Variants in PTPRT observed in about 807,000 individuals in gnomAD.
PTPRT encodes the protein receptor-type tyrosine-protein phosphatase T.
A neutral mutation model predicts 176.8 loss-of-function variants in PTPRT; 56 were observed. The observed-to-expected ratio is 0.32, with a 90% CI of 0.26 to 0.40. The LOEUF (loss-of-function observed/expected upper bound fraction) is 0.40, where lower values mean the gene tolerates loss of function less well. Ranked by LOEUF, PTPRT falls within the 10% of genes least tolerant of loss-of-function variation. PTPRT has a pLI of 1.00. For synonymous variants in PTPRT, 783 were observed against 739.0 expected, an observed-to-expected ratio of 1.06 and a Z score of -0.96; for missense variants, 1,540 against 1,908.2, an observed-to-expected ratio of 0.81 and a Z score of 3.60.
At chr20:42,961,277 G>T (rs1981968310) in intron 1 of PTPRT, among the ~76,000 whole-genome samples, 1 of 152,112 alleles carries the variant, frequency 6.6e-6, no homozygotes, top group Non-Finnish European at 1.5e-5. Context: ...AAAGAAGGTG[G>T]TGATAAAGAT....
At chr20:42,643,581 C>A (rs552849255) in intron 7 of PTPRT, among the ~76,000 whole-genome samples, 1 of 152,158 alleles carries the variant, frequency 6.6e-6, no homozygotes, top group African/African-American at 2.4e-5. Context: ...CCTCCTAAAG[C>A]ACTGGGATCA....
chr20:42,285,025 G>T (rs2057206369), intron 12 of PTPRT, among the ~76,000 whole-genome samples: 1 of 151,268 alleles, frequency 6.6e-6, no homozygotes, highest in Non-Finnish European at 1.5e-5. Flanking sequence ...CTCTAAATGT[G>T]ATGTACAAAA....
intron 1 of PTPRT, among the ~76,000 whole-genome samples, chr20:42,917,081 T>A (rs1367932938): frequency 6.6e-6 from 1 of 152,212 alleles, no homozygotes; most frequent in Non-Finnish European, 1.5e-5. Context: ...CTTCTAGGGT[T>A]TTTATGGTTT....
At chr20:42,143,596 A>C (rs1456145058) in intron 17 of PTPRT, among the ~76,000 whole-genome samples, 1 of 151,868 alleles carries the variant, frequency 6.6e-6, no homozygotes, top group Admixed American at 6.6e-5. Context: ...ACTCCAGGCA[A>C]CACATGATGG....
At chr20:42,429,858 A>T (rs933117365) in intron 9 of PTPRT, among the ~76,000 whole-genome samples, 1 of 152,200 alleles carries the variant, frequency 6.6e-6, no homozygotes, top group Non-Finnish European at 1.5e-5. Flanking sequence ...AAGGAGGAAG[A>T]GGGAAAAGAT....
chr20:42,547,033 A>T (rs573813522), intron 7 of PTPRT, among the ~76,000 whole-genome samples: 1 of 152,294 alleles, frequency 6.6e-6, no homozygotes, highest in East Asian at 1.9e-4. Flanking sequence ...TGCCTTATAG[A>T]CTTGCTTGAT....
chr20:42,802,997 A>G (rs1372540472), intron 2 of PTPRT, among the ~76,000 whole-genome samples: 1 of 152,240 alleles, frequency 6.6e-6, no homozygotes. Context: ...GTTGAGAATT[A>G]GCTACCATGA....
chr20:42,515,222 T>G (rs2072038342), intron 7 of PTPRT, among the ~76,000 whole-genome samples: 1 of 152,196 alleles, frequency 6.6e-6, no homozygotes, highest in African/African-American at 2.4e-5. Flanking sequence ...TGGTGGCTCA[T>G]GCCTGTAATC....
intron 8 of PTPRT, among the ~76,000 whole-genome samples, chr20:42,462,078 T>C (rs184376876): frequency 7.2e-5 from 11 of 151,864 alleles, no homozygotes; most frequent in Middle Eastern, 3.4e-3. Flanking sequence ...AAATGGTTCA[T>C]CCATAGAAAC....
intron 7 of PTPRT, among the ~76,000 whole-genome samples, chr20:42,512,413 T>C (rs1432103599): frequency 6.6e-6 from 1 of 152,196 alleles, no homozygotes; most frequent in Non-Finnish European, 1.5e-5. Context: ...GAGTGTCTCC[T>C]TTTCTCAGTA....
At chr20:42,579,617 G>A (rs2073334081) in intron 7 of PTPRT, among the ~76,000 whole-genome samples, 1 of 152,128 alleles carries the variant, frequency 6.6e-6, no homozygotes, top group East Asian at 1.9e-4. Context: ...GGTGTGAGAT[G>A]GTATCTCATT....
chr20:42,532,544 G>T (rs1380323458), intron 7 of PTPRT, among the ~76,000 whole-genome samples: 1 of 152,134 alleles, frequency 6.6e-6, no homozygotes, highest in African/African-American at 2.4e-5. Context: ...TGGGGCCACA[G>T]GTGTGCACCA....
chr20:42,074,420 T>G lies in PTPRT; in HGVS notation c.*6459A>C. On this transcript the variant is annotated 3_prime_UTR_variant, in exon 31 of 31. Transcript: ENST00000373187. The stretch of plus-strand genomic sequence containing the variant: ...GAACCATGAACTACATTAATTACCC[T>G]GAGCTCCAGGCTTTTATACTGATAC... 3.9e-6 allele frequency: 1 copy of G among 256,500 alleles called. No homozygotes were observed. Among genetic ancestry groups the G allele is most frequent in the Non-Finnish European group, 7.4e-6 (1 of 134,474 alleles). 15.9% of individuals were successfully genotyped at this position (256,500 alleles called of 1,614,324 possible).
At chr20:42,245,044 T>C (rs962704026) in intron 14 of PTPRT, among the ~76,000 whole-genome samples, 1 of 152,162 alleles carries the variant, frequency 6.6e-6, no homozygotes, top group African/African-American at 2.4e-5. Flanking sequence ...TTCTCTTATG[T>C]CAGGACTTAA....
chr20:42,359,826 C>A (rs1365653898), intron 9 of PTPRT, among the ~76,000 whole-genome samples: 1 of 152,238 alleles, frequency 6.6e-6, no homozygotes, highest in African/African-American at 2.4e-5. Flanking sequence ...ACTGCCAGCA[C>A]AGGGACCCAT....
chr20:43,099,103 C>T (rs1226511755), intron 1 of PTPRT, among the ~76,000 whole-genome samples: 1 of 151,938 alleles, frequency 6.6e-6, no homozygotes, highest in African/African-American at 2.4e-5. Context: ...CACCTCCACC[C>T]CCAAGACACA....
Position 42,108,835 on chromosome 20 carries a change from G to A in PTPRT, c.3254+1498C>T, listed in dbSNP as rs371515244. 2.4e-4 allele frequency among the ~76,000 whole-genome samples: 37 copies of A among 152,296 alleles called. 1 individual carries two copies. The East Asian group carries it at 7.1e-3, about 29-fold the overall frequency. On this transcript the variant is annotated intron_variant, in intron 23 of 30. Coordinates refer to ENST00000373187, the MANE Select transcript of PTPRT (RefSeq NM_007050.6). ...TAATTTTCAGAATGGCCCCAGGAGT[G>A]GGTACCACTCTGCTCAGATGCATTA...
the PTPRT span, among the ~76,000 whole-genome samples, chr20:42,045,956 T>A: frequency 1.3e-5 from 2 of 152,218 alleles, no homozygotes; most frequent in African/African-American, 4.8e-5. Flanking sequence ...GTCTCTCAGA[T>A]TTTTTTCTTA....
intron 22 of PTPRT, among the ~76,000 whole-genome samples, chr20:42,111,464 C>T (rs1986990313): frequency 6.6e-6 from 1 of 152,162 alleles, no homozygotes; most frequent in Non-Finnish European, 1.5e-5. Context: ...GTGGGTAATT[C>T]TATTGAAGTG....
Sources: allele counts gnomAD v4.1 joint callset (sites outside exome capture counted in the v4.1 genomes callset), GRCh38; gene constraint gnomAD v4.1.1; transcripts MANE v1.5; gene names NCBI Gene and HGNC (gene_info 2026-07-23, HGNC 2026-07-21).